PRKCH: variants seen among roughly 807,000 people sequenced by gnomAD.
PRKCH encodes protein kinase C eta, also known as protein kinase C eta type.
PRKCH carries 28 observed loss-of-function variants against 82.5 expected under a neutral mutation model. The ratio of observed to expected loss-of-function variants is 0.34; its 90% CI spans 0.25 to 0.47. PRKCH has a LOEUF of 0.47. Among genes scored for constraint, PRKCH ranks in the 20% least tolerant of loss-of-function variants. The probability of loss-of-function intolerance (pLI) is 1.00; values close to 1 mark genes in which losing one functional copy is unlikely to be tolerated. For missense variants in PRKCH, 705 were observed against 881.8 expected (o/e 0.80, Z 2.54); for synonymous variants, 322 against 327.4 (o/e 0.98, Z 0.18).
intron 1 of PRKCH, among the ~76,000 whole-genome samples, chr14:61,387,605 A>G (rs531715899): frequency 6.6e-6 from 1 of 152,328 alleles, no homozygotes; most frequent in South Asian, 2.1e-4. Context: ...ACTGGGGGGT[A>G]TCTAAGCAAC....
chr14:61,208,197 A>G (rs1168466493), intron 1 of PRKCH, among the ~76,000 whole-genome samples: 1 of 152,204 alleles, frequency 6.6e-6, no homozygotes, highest in African/African-American at 2.4e-5. Flanking sequence ...GCCTTTAAAT[A>G]CTGTGATCCC....
At chr14:61,509,786 G>A (rs1460033192) in intron 10 of PRKCH, among the ~76,000 whole-genome samples, 1 of 152,056 alleles carries the variant, frequency 6.6e-6, no homozygotes, top group Non-Finnish European at 1.5e-5. Context: ...ATGGTGGTGG[G>A]TTCCTCTAAT....
At chr14:61,284,944 GAAAT>G (rs1023380007) in intron 1 of PRKCH, among the ~76,000 whole-genome samples, 60 of 152,202 alleles carry the variant, frequency 3.9e-4, no homozygotes, top group African/African-American at 1.4e-3. Flanking sequence ...GATGAAGATT[GAAAT>G]AAATATTTTC....
intron 1 of PRKCH, among the ~76,000 whole-genome samples, chr14:61,251,224 T>A (rs1220086825): frequency 1.3e-5 from 2 of 152,192 alleles, no homozygotes; most frequent in Non-Finnish European, 2.9e-5. Context: ...CCAGCTAGAC[T>A]CTTTTATTTT....
chr14:61,486,116 G>C (rs1237623448), intron 10 of PRKCH, among the ~76,000 whole-genome samples: 1 of 152,066 alleles, frequency 6.6e-6, no homozygotes, highest in African/African-American at 2.4e-5. Flanking sequence ...TTCATGAATT[G>C]GTTCAGCCCC....
At chr14:61,210,374 G>T (rs1020336665) in intron 1 of PRKCH, among the ~76,000 whole-genome samples, 2 of 151,842 alleles carry the variant, frequency 1.3e-5, no homozygotes, top group Admixed American at 6.6e-5. Context: ...GGTGAGTAAA[G>T]CACATGTTGC....
At chr14:61,535,770 G>T (rs946830030) in intron 12 of PRKCH, among the ~76,000 whole-genome samples, 1 of 152,230 alleles carries the variant, frequency 6.6e-6, no homozygotes, top group African/African-American at 2.4e-5. Flanking sequence ...CAACAGACTG[G>T]AGTATTTGCT....
intron 10 of PRKCH, among the ~76,000 whole-genome samples, chr14:61,488,115 CCG>C (rs1207131066): frequency 6.6e-6 from 1 of 151,194 alleles, no homozygotes; most frequent in Non-Finnish European, 1.5e-5. Context: ...GATCGCGCCA[CCG>C]CACTCCAGCC....
intron 1 of PRKCH, chr14:61,279,607 T>G: frequency 6.5e-6 from 1 of 154,518 alleles, no homozygotes; most frequent in Non-Finnish European, 1.4e-5. Flanking sequence ...TCTCTGCAGG[T>G]AATTTGTGGG....
chr14:61,304,676 T>G, intron 1 of PRKCH: 1 of 150,752 alleles, frequency 6.6e-6, no homozygotes, highest in East Asian at 1.9e-4. Flanking sequence ...AAAAAAAAAT[T>G]AGTTGGACAT....
At chr14:61,544,673 C>T (rs1336523096) in intron 12 of PRKCH, 3 of 152,222 alleles carry the variant, frequency 2.0e-5, no homozygotes, top group African/African-American at 7.2e-5. Flanking sequence ...TGTAGGATCT[C>T]AGTAAGTGTG....
At chr14:61,375,632 C>A (rs2046419329) in intron 1 of PRKCH, among the ~76,000 whole-genome samples, 1 of 151,896 alleles carries the variant, frequency 6.6e-6, no homozygotes, top group Non-Finnish European at 1.5e-5. Flanking sequence ...GGAAGTGCCA[C>A]ACACTTTCAA....
intron 2 of PRKCH, among the ~76,000 whole-genome samples, chr14:61,415,125 C>CCATTTCATTTCCAAATGACAGAAGG (rs750246746): frequency 8.1e-4 from 123 of 152,310 alleles, no homozygotes; most frequent in Non-Finnish European, 1.3e-3. Flanking sequence ...TGTCTTCACT[C>CCATTTCATTTCCAAATGACAGAAGG]CATTTCTGTC....
At chr14:61,451,099 A>T (rs2097953259) in intron 6 of PRKCH, 128 bp downstream of exon 6, 13 of 1,218,472 alleles carry the variant, frequency 1.1e-5, no homozygotes, top group Non-Finnish European at 1.3e-5. Context: ...TCAACATCTT[A>T]GTCATTTTAA....
chr14:61,493,121 G>C, intron 10 of PRKCH, among the ~76,000 whole-genome samples: 1 of 152,142 alleles, frequency 6.6e-6, no homozygotes, highest in East Asian at 1.9e-4. Context: ...TTTGAATTCT[G>C]GGTCACTTAG....
intron 9 of PRKCH, among the ~76,000 whole-genome samples, chr14:61,468,622 T>G (rs1885365095): frequency 6.6e-6 from 1 of 152,166 alleles, no homozygotes; most frequent in Admixed American, 6.5e-5. Flanking sequence ...CTCTGTCTCT[T>G]TGGACGCGAC....
chr14:61,427,902 A>G (rs1443368464), intron 2 of PRKCH, among the ~76,000 whole-genome samples: 3 of 151,788 alleles, frequency 2.0e-5, no homozygotes, highest in African/African-American at 7.3e-5. Context: ...TTTATCTATC[A>G]TGTGATGCTA....
intron 2 of PRKCH, among the ~76,000 whole-genome samples, chr14:61,439,327 A>G (rs944069417): frequency 9.9e-5 from 15 of 152,112 alleles, no homozygotes; most frequent in Non-Finnish European, 2.1e-4. Context: ...CCTTTTGCTC[A>G]TGGCAGCAGT....
At chr14:61,351,795 T>A (rs1476218391) in intron 1 of PRKCH, among the ~76,000 whole-genome samples, 5 of 152,146 alleles carry the variant, frequency 3.3e-5, no homozygotes, top group Non-Finnish European at 7.4e-5. Context: ...GACCCAAATT[T>A]GAACATCCAA....
Sources: allele counts gnomAD v4.1 joint callset (sites outside exome capture counted in the v4.1 genomes callset), GRCh38; gene constraint gnomAD v4.1.1; transcripts MANE v1.5; gene names NCBI Gene and HGNC (gene_info 2026-07-23, HGNC 2026-07-21).